The following DAB1 variants were observed in gnomAD, a reference collection of about 807,000 sequenced individuals.
The protein encoded by DAB1 is DAB adaptor protein 1.
A neutral mutation model predicts 64.6 loss-of-function variants in DAB1; 15 were observed. That is an observed-to-expected ratio of 0.23 (90% confidence interval 0.16 to 0.36). The LOEUF (loss-of-function observed/expected upper bound fraction) is 0.36. DAB1 is among the 10% of genes least tolerant of loss of function. The pLI is 1.00. For missense variants in DAB1, 596 were observed against 706.7 expected, an observed-to-expected ratio of 0.84 and a Z score of 1.78; for synonymous variants, 235 against 251.9, an observed-to-expected ratio of 0.93 and a Z score of 0.64.
intron 4 of DAB1, among the ~76,000 whole-genome samples, chr1:57,132,175 C>T (rs567857259): frequency 6.6e-6 from 1 of 152,076 alleles, no homozygotes; most frequent in Non-Finnish European, 1.5e-5. Context: ...ACTCTGTTCA[C>T]ACTTGTATCT....
intron 5 of DAB1, among the ~76,000 whole-genome samples, chr1:57,957,370 G>A (rs914671757): frequency 6.6e-6 from 1 of 152,190 alleles, no homozygotes; most frequent in Non-Finnish European, 1.5e-5. Context: ...GAAGGATAAA[G>A]TTGACATTTG....
At chr1:58,295,944 T>G (rs1019508635) in intron 4 of DAB1, among the ~76,000 whole-genome samples, 1 of 150,970 alleles carries the variant, frequency 6.6e-6, no homozygotes, top group African/African-American at 2.4e-5. Context: ...TACAAAAAAA[T>G]TATCCAGGCA....
At chr1:58,396,838 G>A (rs1234602742) in intron 3 of DAB1, among the ~76,000 whole-genome samples, 1 of 152,102 alleles carries the variant, frequency 6.6e-6, no homozygotes, top group Non-Finnish European at 1.5e-5. Flanking sequence ...CAAGGCGGGC[G>A]GATCATGAGG....
At chr1:57,346,503 A>G (rs907571019) in intron 1 of DAB1, among the ~76,000 whole-genome samples, 1 of 152,198 alleles carries the variant, frequency 6.6e-6, no homozygotes, top group East Asian at 1.9e-4. Flanking sequence ...TTGCTCTTCT[A>G]CTTATATTTT....
chr1:57,362,466 C>T (rs544168497), intron 1 of DAB1, among the ~76,000 whole-genome samples: 25 of 151,996 alleles, frequency 1.6e-4, no homozygotes, highest in Non-Finnish European at 3.4e-4. Context: ...ACTGATTAAC[C>T]ACTGATATGG....
intron 7 of DAB1, among the ~76,000 whole-genome samples, chr1:57,440,679 GA>G (rs1685907655): frequency 6.6e-6 from 1 of 152,186 alleles, no homozygotes. Flanking sequence ...TATTTAGGGT[GA>G]AAAGACATGG....
chr1:58,025,903 G>T (rs1180324728), intron 5 of DAB1, among the ~76,000 whole-genome samples: 2 of 151,738 alleles, frequency 1.3e-5, no homozygotes, highest in Non-Finnish European at 2.9e-5. Context: ...CCCAGTGAGC[G>T]CTTGTTCCAG....
intron 7 of DAB1, among the ~76,000 whole-genome samples, chr1:57,466,380 T>C (rs1417062912): frequency 6.6e-6 from 1 of 152,066 alleles, no homozygotes; most frequent in African/African-American, 2.4e-5. Flanking sequence ...TTTCCTTTTT[T>C]AGAATTAGGA....
At chr1:58,139,500 C>T (rs903152079) in intron 5 of DAB1, among the ~76,000 whole-genome samples, 1 of 152,114 alleles carries the variant, frequency 6.6e-6, no homozygotes, top group Non-Finnish European at 1.5e-5. Context: ...CCTTATAAAA[C>T]CATCAGATCT....
At chr1:57,572,018 A>G (rs1645198890) in intron 7 of DAB1, among the ~76,000 whole-genome samples, 2 of 152,212 alleles carry the variant, frequency 1.3e-5, no homozygotes, top group Admixed American at 1.3e-4. Flanking sequence ...AAGCATGGAC[A>G]GTCCATGACA....
intron 1 of DAB1, among the ~76,000 whole-genome samples, chr1:57,302,003 A>T (rs557225125): frequency 6.6e-6 from 1 of 152,124 alleles, no homozygotes; most frequent in South Asian, 2.1e-4. Flanking sequence ...CTCAAACATC[A>T]TATTTTTACC....
At chr1:58,431,317 T>A (rs911493003) in intron 3 of DAB1, among the ~76,000 whole-genome samples, 1 of 152,132 alleles carries the variant, frequency 6.6e-6, no homozygotes, top group African/African-American at 2.4e-5. Flanking sequence ...CCCAGCACTC[T>A]GGGAGGCCGA....
chr1:57,009,207 C>T (rs769021976), intron 14 of DAB1, among the ~76,000 whole-genome samples: 10 of 152,166 alleles, frequency 6.6e-5, no homozygotes, highest in Non-Finnish European at 1.5e-4. Flanking sequence ...ACGTGAAATA[C>T]AACTTAGGCG....
intron 6 of DAB1, among the ~76,000 whole-genome samples, chr1:57,653,343 G>A (rs1029218406): frequency 3.9e-5 from 6 of 152,086 alleles, no homozygotes; most frequent in South Asian, 2.1e-4. Context: ...GTATCCTAAC[G>A]TAGGTATCCA....
chr1:57,441,056 T>G (rs1436483438), intron 7 of DAB1, among the ~76,000 whole-genome samples: 4 of 152,104 alleles, frequency 2.6e-5, no homozygotes, highest in African/African-American at 9.7e-5. Flanking sequence ...CAGTGTCTAT[T>G]GTTCCCATAA....
intron 7 of DAB1, among the ~76,000 whole-genome samples, chr1:57,459,629 A>T (rs964517716): frequency 5.9e-5 from 9 of 152,300 alleles, no homozygotes; most frequent in Middle Eastern, 3.4e-3. Flanking sequence ...GACCTTGGAG[A>T]TCACCATCTA....
intron 4 of DAB1, among the ~76,000 whole-genome samples, chr1:58,260,407 C>T (rs886396373): frequency 1.3e-5 from 2 of 152,186 alleles, no homozygotes; most frequent in Non-Finnish European, 1.5e-5. Context: ...AGAGAGGCCT[C>T]GGCTGGGCCC....
chr1:57,407,308 T>C (rs1683720605), intron 1 of DAB1, among the ~76,000 whole-genome samples: 1 of 152,164 alleles, frequency 6.6e-6, no homozygotes, highest in African/African-American at 2.4e-5. Flanking sequence ...AAGAGAGAGT[T>C]AGCACAGGAT....
In DAB1 at chr1:57,110,366, C is replaced by T. The variant is rs149320242; in HGVS notation, c.306+26177G>A. 2.1e-3 allele frequency among the ~76,000 whole-genome samples: 323 copies of T among 152,272 alleles called. 1 individual carries two copies. The highest frequency in any genetic ancestry group is 3.7e-3 in the Admixed American group (56 of 15,298). On this transcript the variant is annotated intron_variant, in intron 4 of 14. Coordinates refer to ENST00000371236, the MANE Select transcript of DAB1 (RefSeq NM_001365792.1). ...TGTTCAATGCTGTTCTGCAAGCAAC[C>T]GGACACTGTTTTCAGATCTGCCATG... is the stretch of plus-strand genomic sequence containing the variant.
Sources: allele counts gnomAD v4.1 joint callset (sites outside exome capture counted in the v4.1 genomes callset), GRCh38; gene constraint gnomAD v4.1.1; transcripts MANE v1.5; gene names NCBI Gene and HGNC (gene_info 2026-07-23, HGNC 2026-07-21).